SRPK2: variants seen among roughly 807,000 people sequenced by gnomAD.
SRPK2 encodes SRSF protein kinase 2.
Under a neutral mutation model 90.8 loss-of-function variants are expected in SRPK2, and 21 were observed. That is an observed-to-expected ratio of 0.23 (90% CI 0.16 to 0.33). The LOEUF (loss-of-function observed/expected upper bound fraction) is 0.33. Among genes scored for constraint, SRPK2 ranks in the 10% least tolerant of loss-of-function variants. SRPK2 has a pLI of 1.00. For synonymous variants in SRPK2, 288 were observed against 311.1 expected (o/e 0.93, Z 0.78); for missense variants, 620 against 869.0 (o/e 0.71, Z 3.60).
At chr7:105,225,223 C>A (rs1798572871) in intron 2 of SRPK2, among the ~76,000 whole-genome samples, 2 of 152,106 alleles carry the variant, frequency 1.3e-5, no homozygotes, top group Non-Finnish European at 2.9e-5. Context: ...AAACAAAACA[C>A]CACTGTCAAT....
At chr7:105,120,284 G>A (rs950189476) in intron 15 of SRPK2, among the ~76,000 whole-genome samples, 1 of 152,184 alleles carries the variant, frequency 6.6e-6, no homozygotes, top group Non-Finnish European at 1.5e-5. Context: ...TGTGTGCTGA[G>A]AATAGTAAAG....
intron 1 of SRPK2, among the ~76,000 whole-genome samples, chr7:105,394,945 C>T (rs1400719240): frequency 6.6e-6 from 1 of 152,022 alleles, no homozygotes; most frequent in Admixed American, 6.6e-5. Context: ...CCAAGGTGGG[C>T]GGGACATGAG....
At chr7:105,331,308 C>CACAAAAA (rs1814312297) in intron 2 of SRPK2, among the ~76,000 whole-genome samples, 1 of 45,108 alleles carries the variant, frequency 2.2e-5, no homozygotes, top group Non-Finnish European at 3.8e-5. Flanking sequence ...GACTCCGTCT[C>CACAAAAA]AAAAAAAAAA....
chr7:105,170,781 A>AAGGAAGGAAGGAAGGAAGGAAGGG (rs772767456), intron 3 of SRPK2, among the ~76,000 whole-genome samples: 2 of 71,222 alleles, frequency 2.8e-5, no homozygotes, highest in Non-Finnish European at 2.7e-5. Context: ...GGAAGGAAGG[A>AAGGAAGGAAGGAAGGAAGGAAGGG]CGGGAGGGAG....
At chr7:105,389,093 A>G (rs1016953295), upstream of SRPK2, among the ~76,000 whole-genome samples, 9 of 97,144 alleles carry the variant, frequency 9.3e-5, no homozygotes, top group African/African-American at 3.1e-4. Flanking sequence ...GCCGCCGCCC[A>G]TGGCCGCGCT....
chr7:105,356,375 T>C (rs1006873216), intron 2 of SRPK2, among the ~76,000 whole-genome samples: 1 of 152,040 alleles, frequency 6.6e-6, no homozygotes, highest in African/African-American at 2.4e-5. Context: ...CAAGAGATAA[T>C]CCCTATACAA....
At chr7:105,364,559 C>T (rs1818816711) in intron 2 of SRPK2, among the ~76,000 whole-genome samples, 1 of 152,028 alleles carries the variant, frequency 6.6e-6, no homozygotes. Flanking sequence ...CGCCATCATG[C>T]CTAGCTAATT....
upstream of SRPK2, chr7:105,389,005 G>T: frequency 2.5e-6 from 2 of 811,840 alleles, no homozygotes; most frequent in Non-Finnish European, 2.7e-6. Context: ...GCCCCCACCC[G>T]CCGGCCCCGG....
At chr7:105,251,895 G>A (rs998244707) in intron 2 of SRPK2, among the ~76,000 whole-genome samples, 5 of 152,154 alleles carry the variant, frequency 3.3e-5, no homozygotes, top group African/African-American at 1.2e-4. Flanking sequence ...GTGGCTTGAG[G>A]GGGAAGAAGG....
At chr7:105,387,618 C>T (rs1202185021) in intron 2 of SRPK2, among the ~76,000 whole-genome samples, 3 of 151,854 alleles carry the variant, frequency 2.0e-5, no homozygotes, top group Non-Finnish European at 4.4e-5. Context: ...GCGACGTACC[C>T]CTCAAAGGAA....
At chr7:105,170,357 T>G (rs1487711963) in intron 3 of SRPK2, among the ~76,000 whole-genome samples, 1 of 152,070 alleles carries the variant, frequency 6.6e-6, no homozygotes, top group South Asian at 2.1e-4. Flanking sequence ...CTCATCACTC[T>G]TCTGCCAACT....
chr7:105,161,544 C>T (rs116599080), intron 6 of SRPK2, among the ~76,000 whole-genome samples: 5,520 of 151,988 alleles, frequency 0.036, 343 homozygotes, highest in African/African-American at 0.13. Flanking sequence ...TGCCAGGTGG[C>T]TGAGCCACTA....
Position 105,356,721 on chromosome 7 carries a change from T to A in SRPK2, c.71+31927A>T, listed in dbSNP as rs117335922. On this transcript the variant is annotated intron_variant, in intron 2 of 15. Transcript: ENST00000393651. Reference sequence around the variant, plus strand: ...TTTCATAGTGAAATGTAAGTCTGCATCTCTATTAGATATATTAAATACCCA... The same window carrying A: ...TTTCATAGTGAAATGTAAGTCTGCAACTCTATTAGATATATTAAATACCCA... 5.3e-3 allele frequency among the ~76,000 whole-genome samples: 812 copies of A among 152,312 alleles called. 5 individuals carry two copies. Among genetic ancestry groups the A allele is most frequent in the South Asian group, 0.013 (61 of 4,828 alleles).
chr7:105,154,197 A>T (rs1466967284), intron 7 of SRPK2, among the ~76,000 whole-genome samples: 1 of 152,226 alleles, frequency 6.6e-6, no homozygotes, highest in Admixed American at 6.5e-5. Flanking sequence ...ATCAGGAAGA[A>T]AGTTAAAGCT....
chr7:105,272,955 C>T (rs1434349154), intron 2 of SRPK2, among the ~76,000 whole-genome samples: 1 of 152,134 alleles, frequency 6.6e-6, no homozygotes, highest in Non-Finnish European at 1.5e-5. Context: ...TGGCTCACGC[C>T]TGTAATCCCA....
At chr7:105,245,712 CT>C (rs1003009533) in intron 2 of SRPK2, among the ~76,000 whole-genome samples, 1 of 152,024 alleles carries the variant, frequency 6.6e-6, no homozygotes, top group Non-Finnish European at 1.5e-5. Flanking sequence ...TTAGAAAACA[CT>C]TTTTTTCCCC....
intron 11 of SRPK2, 31 bp downstream of exon 11, chr7:105,141,977 T>C (rs1269543750): frequency 7.6e-6 from 12 of 1,579,380 alleles, no homozygotes; most frequent in Non-Finnish European, 1.0e-5. Flanking sequence ...GAGTCAGCGA[T>C]GGCAGACAGT....
intron 2 of SRPK2, among the ~76,000 whole-genome samples, chr7:105,347,543 G>A (rs903768055): frequency 6.6e-6 from 1 of 152,024 alleles, no homozygotes; most frequent in Non-Finnish European, 1.5e-5. Flanking sequence ...CGAAGAATGA[G>A]GGGGAGGGGG....
chr7:105,227,308 A>G (rs1440838387), intron 2 of SRPK2, among the ~76,000 whole-genome samples: 2 of 152,166 alleles, frequency 1.3e-5, no homozygotes, highest in Non-Finnish European at 2.9e-5. Flanking sequence ...ATGTTGCACC[A>G]TATATGTTAT....
Sources: allele counts gnomAD v4.1 joint callset (sites outside exome capture counted in the v4.1 genomes callset), GRCh38; gene constraint gnomAD v4.1.1; transcripts MANE v1.5; gene names NCBI Gene and HGNC (gene_info 2026-07-23, HGNC 2026-07-21).